ATAD5: variants seen among roughly 807,000 people sequenced by gnomAD.
ATAD5 encodes ATPase family AAA domain-containing protein 5.
A neutral mutation model predicts 176.9 loss-of-function variants in ATAD5; 58 were observed. The ratio of observed to expected loss-of-function variants is 0.33; its 90% confidence interval spans 0.27 to 0.41. The LOEUF is 0.41. ATAD5 is among the 10% of genes least tolerant of loss of function. The pLI, the probability that ATAD5 is intolerant of heterozygous loss-of-function variation, is 1.00. For synonymous variants in ATAD5, 640 were observed against 712.6 expected (o/e 0.90, Z 1.62); for missense variants, 1,789 against 2,094.1 (o/e 0.85, Z 2.84).
At chr17:30,885,342 G>C (rs924758575) in intron 18 of ATAD5, among the ~76,000 whole-genome samples, 3 of 152,116 alleles carry the variant, frequency 2.0e-5, no homozygotes, top group Non-Finnish European at 4.4e-5. Context: ...CACCACAACT[G>C]TCAGTTTCTT....
chr17:30,843,260 G>A (rs2142322926), intron 4 of ATAD5, among the ~76,000 whole-genome samples: 1 of 152,046 alleles, frequency 6.6e-6, no homozygotes, highest in East Asian at 2.0e-4. Flanking sequence ...GCTGAGGTGG[G>A]AGGATGGCTT....
chr17:30,840,562 TTAAA>T, intron 3 of ATAD5, 51 bp from the exon 4 acceptor site: 1 of 1,195,392 alleles, frequency 8.4e-7, no homozygotes, highest in Non-Finnish European at 1.1e-6. Flanking sequence ...TTTTCTATTA[TTAAA>T]TATAAAATAT....
chr17:30,869,869 A>G (rs1308181814), intron 14 of ATAD5: 26 of 513,162 alleles, frequency 5.1e-5, no homozygotes, highest in Non-Finnish European at 6.7e-5. Context: ...CTTTTAAAAA[A>G]GCATAACTAT....
intron 13 of ATAD5, 45 bp from the exon 14 acceptor site, chr17:30,869,451 A>T: frequency 6.2e-7 from 1 of 1,607,210 alleles, no homozygotes; most frequent in South Asian, 1.1e-5. Flanking sequence ...TTAAAAGGAA[A>T]CATAAACCAT....
intron 4 of ATAD5, among the ~76,000 whole-genome samples, chr17:30,843,090 G>A (rs1488649414): frequency 6.6e-6 from 1 of 151,300 alleles, no homozygotes. Context: ...GGTGGCTCAC[G>A]CCTGTAATCC....
intron 6 of ATAD5, among the ~76,000 whole-genome samples, chr17:30,851,750 T>C (rs768324038): frequency 6.6e-6 from 1 of 152,158 alleles, no homozygotes; most frequent in Non-Finnish European, 1.5e-5. Flanking sequence ...ACCTGGCTAA[T>C]TTTTGTACTC....
rs747418626 is a variant in ATAD5, at chr17:30,834,131, C to G, written c.67-17C>G. 6.6e-7 allele frequency: 1 copy of G among 1,509,322 alleles called. No homozygotes were observed. Among genetic ancestry groups the G allele is most frequent in the Non-Finnish European group, 8.8e-7 (1 of 1,131,968 alleles). 93.5% of individuals were successfully genotyped at this position (1,509,322 alleles called of 1,614,324 possible). ...TATTGCTTGAAATAAGTGCCTTTTT[C>G]TCTTTTAAATTGCCAGCCATGCAAA... On this transcript the variant is annotated splice_polypyrimidine_tract_variant and intron_variant, in intron 1 of 22. Transcript: ENST00000321990.
chr17:30,837,233 C>CA lies in ATAD5; in HGVS notation c.2001dup (p.Ser668IlefsTer2). The CA allele has an allele frequency of 1.9e-6, 3 of 1,566,326 alleles. No individual in the cohort carries two copies. Among genetic ancestry groups the CA allele is most frequent in the Non-Finnish European group, 2.6e-6 (3 of 1,158,984 alleles). ...TGAAATTCACCAGAATTAGTACTCC[C>CA]AAAAAATCTAAGAAAAAATCTAACA... On this transcript the variant is annotated frameshift_variant, in exon 3 of 23. Coordinates refer to ENST00000321990, the MANE Select transcript of ATAD5 (RefSeq NM_024857.5). LOFTEE classifies it high-confidence loss of function.
chr17:30,873,791 A>C (rs1391743491), intron 14 of ATAD5, among the ~76,000 whole-genome samples: 1 of 149,906 alleles, frequency 6.7e-6, no homozygotes, highest in East Asian at 2.0e-4. Context: ...TCCTGGGCTC[A>C]GATGATCCTC....
intron 10 of ATAD5, among the ~76,000 whole-genome samples, chr17:30,865,362 C>G (rs1472876311): frequency 6.6e-6 from 1 of 151,890 alleles, no homozygotes; most frequent in Non-Finnish European, 1.5e-5. Flanking sequence ...TTAGTAGAGA[C>G]GGGGTTTCAC....
chr17:30,891,478 T>G (rs1160263932), intron 19 of ATAD5, among the ~76,000 whole-genome samples: 1 of 151,956 alleles, frequency 6.6e-6, no homozygotes, highest in African/African-American at 2.4e-5. Flanking sequence ...TTCAAGTGAT[T>G]CTCCTGCCTC....
chr17:30,856,819 C>A (rs1567686442), intron 7 of ATAD5, 136 bp from the exon 8 acceptor site: 7 of 753,628 alleles, frequency 9.3e-6, no homozygotes, highest in African/African-American at 3.7e-5. Context: ...ATTTTGTTCC[C>A]TTTATAGTCA....
chr17:30,835,126 T>A lies in ATAD5; in HGVS notation c.1045T>A (p.Phe349Ile), dbSNP rs1700554389. Residue 349 changes from phenylalanine to isoleucine, a missense_variant, in exon 2 of 23, where the codon TTT (phenylalanine) becomes ATT (isoleucine). By Grantham distance (21) the Phe-to-Ile change is conservative (BLOSUM62 0). This residue lies in a region of ATAD5 where 696 missense variants were observed against 712.5 expected (regional missense o/e 0.98). Transcript: ENST00000321990. The part of the protein sequence containing the change: ...IPRIFLKQKQ[F>I]EMENSLSDPE... ...CCGAATTTTCTTGAAACAAAAGCAA[T>A]TTGAAATGGAAAATAGTTTATCTGA... 1 of 1,613,908 alleles carries A rather than the reference T, an allele frequency of 6.2e-7. No individual in the cohort carries two copies. Among genetic ancestry groups the A allele is most frequent in the Non-Finnish European group, 8.5e-7 (1 of 1,179,992 alleles).
At chr17:30,837,127 A>C in intron 2 of ATAD5, 79 bp from the exon 3 acceptor site, 1 of 818,206 alleles carries the variant, frequency 1.2e-6, no homozygotes, top group Non-Finnish European at 1.8e-6. Context: ...CACCAGCTCT[A>C]TTTTATCTAT....
chr17:30,879,284 C>T, intron 17 of ATAD5, 139 bp from the exon 18 acceptor site: 1 of 887,212 alleles, frequency 1.1e-6, no homozygotes, highest in Non-Finnish European at 1.7e-6. Context: ...CTGCAGTGAG[C>T]TATGACTGCA....
At chr17:30,860,745 T>G in intron 10 of ATAD5, 133 bp downstream of exon 10, 1 of 824,382 alleles carries the variant, frequency 1.2e-6, no homozygotes, top group South Asian at 2.7e-5. Context: ...TTAGATTTTC[T>G]TTTTCTTTTT....
Position 30,895,023 on chromosome 17 carries a change from C to CAAAGAAG in ATAD5, c.*113_*114insGAAGAAA. 1.5e-6 allele frequency: 1 copy of CAAAGAAG among 657,780 alleles called. No homozygotes were observed. Among genetic ancestry groups the CAAAGAAG allele is most frequent in the South Asian group, 5.3e-5 (1 of 18,736 alleles). 40.7% of individuals were successfully genotyped at this position (657,780 alleles called of 1,614,324 possible). On this transcript the variant is annotated 3_prime_UTR_variant, in exon 23 of 23. Transcript: ENST00000321990. ...TATATTTCTCGATGTACATTTTAAACAAACAATTTGTATATTTTTTTATTG... is the reference window on the plus strand; with the variant it reads ...TATATTTCTCGATGTACATTTTAAACAAAGAAGAAACAATTTGTATATTTTTTTATTG...
At chr17:30,889,523 A>G (rs1045941192) in intron 19 of ATAD5, among the ~76,000 whole-genome samples, 2 of 151,940 alleles carry the variant, frequency 1.3e-5, no homozygotes, top group East Asian at 3.8e-4. Flanking sequence ...ACTATAACGT[A>G]CAATCACTTT....
rs545198884 is a variant in ATAD5 at position 30,887,073 on chromosome 17, C to T, written c.4078-119C>T. The T allele has an allele frequency of 1.7e-5, 12 of 700,938 alleles. No individual in the cohort carries two copies. In the Admixed American group the frequency reaches 1.9e-4, roughly 11 times the overall value. The allele number at this position is 700,938 out of a possible 1,614,324, so 43.4% of individuals were successfully genotyped here. On this transcript the variant is annotated intron_variant, in intron 18 of 22. Transcript: ENST00000321990. ...AAAGCAGTTTCATCCTCAAGAAGAG[C>T]ATTTAAGATAATGTGAATTTTAGCA...
Sources: allele counts gnomAD v4.1 joint callset (sites outside exome capture counted in the v4.1 genomes callset), GRCh38; gene constraint gnomAD v4.1.1; regional missense constraint gnomAD v4.1.1; transcripts MANE v1.5; gene names NCBI Gene and HGNC (gene_info 2026-07-23, HGNC 2026-07-21).